Variants in AHRR observed in about 807,000 individuals in gnomAD.
The protein encoded by AHRR is aryl hydrocarbon receptor repressor.
Under a neutral mutation model 44.0 loss-of-function variants are expected in AHRR, and 28 were observed. The observed-to-expected ratio is 0.64, with a 90% confidence interval of 0.47 to 0.87. The LOEUF (loss-of-function observed/expected upper bound fraction) is 0.87, where lower values mean the gene tolerates loss of function less well. Ranked by LOEUF, AHRR falls within the 40% of genes least tolerant of loss-of-function variation. The pLI is 0.00. For missense variants in AHRR, 990 were observed against 953.9 expected (o/e 1.04, Z -0.50); for synonymous variants, 434 against 407.0 (o/e 1.07, Z -0.80).
At chr5:323,961 C>T (rs781205017) in intron 1 of AHRR, among the ~76,000 whole-genome samples, 2 of 151,300 alleles carry the variant, frequency 1.3e-5, no homozygotes, top group African/African-American at 2.5e-5. Flanking sequence ...TTGCCTAGCT[C>T]GCTCTTCCTT....
intron 3 of AHRR, among the ~76,000 whole-genome samples, chr5:365,429 ATTTAGAAATAT>A (rs1295604996): frequency 5.9e-5 from 9 of 152,214 alleles, no homozygotes; most frequent in African/African-American, 1.4e-4. Flanking sequence ...AGAAGATGTA[ATTTAGAAATAT>A]TTAAAATGTG....
chr5:361,365 A>T (rs1251396580), intron 3 of AHRR, among the ~76,000 whole-genome samples: 1 of 152,240 alleles, frequency 6.6e-6, no homozygotes, highest in African/African-American at 2.4e-5. Flanking sequence ...GTGGGATGGC[A>T]CCACGCCCGC....
At chr5:368,026 G>T in intron 3 of AHRR, 1 of 678,002 alleles carries the variant, frequency 1.5e-6, no homozygotes, top group Non-Finnish European at 2.7e-6. Context: ...TCACAGGCAG[G>T]CCAGCCCCAT....
At chr5:343,545 C>G (rs1426185499) in intron 1 of AHRR, 2 of 313,498 alleles carry the variant, frequency 6.4e-6, no homozygotes, top group Non-Finnish European at 1.2e-5. Flanking sequence ...TGCGCCCCGC[C>G]CCGCCCGTTC....
rs369245136 is a variant in AHRR, at chr5:393,463, G to A, written c.351+16747G>A. On this transcript the variant is annotated intron_variant, in intron 4 of 10. Transcript: ENST00000684583. ...CCTCCACGAGTGGGAGAACACTGCTGTGTCTTCGTGCGTGGACGGTAGCCA... is the reference window on the plus strand; with the variant it reads ...CCTCCACGAGTGGGAGAACACTGCTATGTCTTCGTGCGTGGACGGTAGCCA... 4.6e-5 allele frequency among the ~76,000 whole-genome samples: 7 copies of A among 152,354 alleles called. No individual in the cohort carries two copies. In the East Asian group the frequency reaches 9.6e-4, roughly 21 times the overall value.
In AHRR at chr5:374,806, A is replaced by G. The variant is rs527380644; in HGVS notation, c.245-1804A>G. Among the ~76,000 whole-genome samples, 18 of 152,336 alleles carry G rather than the reference A, an allele frequency of 1.2e-4. No individual in the cohort carries two copies. The South Asian group carries it at 1.2e-3, about 11-fold the overall frequency. ...AGCTGGTACCTCAGATTCTGAATCAATGGCTCCCAGTATGGCCTTTCTGGT... is the reference window on the plus strand; with the variant it reads ...AGCTGGTACCTCAGATTCTGAATCAGTGGCTCCCAGTATGGCCTTTCTGGT... On this transcript the variant is annotated intron_variant, in intron 3 of 10. Coordinates refer to ENST00000684583, the MANE Select transcript of AHRR (RefSeq NM_001377236.1).
At chr5:376,557 A>AACGCGGGGAAACTCAGGAACGAT in intron 3 of AHRR, 53 bp from the exon 4 acceptor site, 1 of 1,423,184 alleles carries the variant, frequency 7.0e-7, no homozygotes, top group Non-Finnish European at 9.5e-7. Flanking sequence ...AATGAAGAAG[A>AACGCGGGGAAACTCAGGAACGAT]GTGGCCAGGC....
chr5:344,459 T>G (rs1391440640), intron 2 of AHRR, among the ~76,000 whole-genome samples: 6 of 19,608 alleles, frequency 3.1e-4, no homozygotes, highest in African/African-American at 1.3e-3. Flanking sequence ...GTGGGGTGTG[T>G]GTGTGTGAGG....
In AHRR at chr5:321,762, T is replaced by A. The variant is rs1741499850; in HGVS notation, c.-68T>A. On this transcript the variant is annotated 5_prime_UTR_variant, in exon 1 of 11. Transcript: ENST00000684583. This position sits in a 1 kb window ranked among gnomAD's most constrained non-coding sequence, Gnocchi z 8.3. Reference sequence around the variant, plus strand: ...CGCCGGCACCCGCCGCCACAGCTCCTGGCCAGGGCGCGCTGCCCCGCGGGT... The same window carrying A: ...CGCCGGCACCCGCCGCCACAGCTCCAGGCCAGGGCGCGCTGCCCCGCGGGT... The A allele has an allele frequency of 6.6e-6, 1 of 151,458 alleles. No individual in the cohort carries two copies. The highest frequency in any genetic ancestry group is 3.2e-3 in the Middle Eastern group (1 of 314). 9.4% of individuals were successfully genotyped at this position (151,458 alleles called of 1,614,324 possible).
In AHRR at chr5:353,829, G is replaced by A. The variant is rs773695025; in HGVS notation, c.162G>A (p.Pro54=). ...LDHLASLLPF[P]PDIISKLDKL... ...ACCTGGCCAGCCTGCTGCCGTTCCC[G>A]CCTGACATCATCTCCAAGCTGGACA... The change falls in exon 3 of 11, where the codon CCG becomes CCA. Residue 54 remains proline (P), a synonymous_variant. Transcript: ENST00000684583. 8.7e-6 allele frequency: 14 copies of A among 1,613,864 alleles called. No individual in the cohort carries two copies. Among genetic ancestry groups the A allele is most frequent in the South Asian group, 3.3e-5 (3 of 91,082 alleles).
rs1056376432 is a variant in AHRR, at chr5:434,362, G to T, written c.1622G>T (p.Cys541Phe). 9.9e-6 allele frequency: 16 copies of T among 1,613,548 alleles called. No homozygotes were observed. The highest frequency in any genetic ancestry group is 1.4e-5 in the Non-Finnish European group (16 of 1,179,966). The change falls in exon 11 of 11, where the codon TGT (cysteine) becomes TTT (phenylalanine). Residue 541 changes from cysteine (C) to phenylalanine (F), a missense_variant. Physicochemically the swap from Cys to Phe is radical, Grantham distance 205. Coordinates refer to ENST00000684583, the MANE Select transcript of AHRR (RefSeq NM_001377236.1). ...VSIKMEKDSG[C>F]EGAADGCVPS... ...ATCAAGATGGAGAAGGACTCTGGGT[G>T]TGAGGGTGCTGCAGACGGCTGTGTG...
At chr5:420,094 G>C (rs1009217127) in intron 5 of AHRR, among the ~76,000 whole-genome samples, 4 of 152,194 alleles carry the variant, frequency 2.6e-5, no homozygotes, top group Non-Finnish European at 4.4e-5. Flanking sequence ...TCCCTCTGAC[G>C]GGCCCTGAGG....
intron 3 of AHRR, among the ~76,000 whole-genome samples, chr5:374,640 CT>C (rs1333454826): frequency 6.6e-6 from 1 of 152,212 alleles, no homozygotes; most frequent in Non-Finnish European, 1.5e-5. Flanking sequence ...GAAATGAGGG[CT>C]CAGAGACCAG....
rs1411898648 is a variant in AHRR, at chr5:342,491, G to A, written c.-10-1402G>A. 2.0e-5 allele frequency among the ~76,000 whole-genome samples: 3 copies of A among 152,088 alleles called. No individual in the cohort carries two copies. The highest frequency in any genetic ancestry group is 4.4e-5 in the Non-Finnish European group (3 of 68,012). Reference sequence around the variant, plus strand: ...CATACAGCTGCTTCATTTGATTAACGTTTGCATGTTGTATCTTTTTCTATC... The same window carrying A: ...CATACAGCTGCTTCATTTGATTAACATTTGCATGTTGTATCTTTTTCTATC... On this transcript the variant is annotated intron_variant, in intron 1 of 10. Coordinates refer to ENST00000684583, the MANE Select transcript of AHRR (RefSeq NM_001377236.1). The surrounding 1 kb of genome is among the most constrained non-coding windows in gnomAD (Gnocchi z 4.3).
At chr5:420,607 G>A (rs976145380) in intron 5 of AHRR, among the ~76,000 whole-genome samples, 6 of 152,222 alleles carry the variant, frequency 3.9e-5, no homozygotes, top group African/African-American at 1.4e-4. Flanking sequence ...GACCCATGAG[G>A]AAACATTTCT....
rs373595214 is a variant in AHRR, at chr5:343,923, C to T, written c.21C>T (p.Cys7=). 3.1e-6 allele frequency: 5 copies of T among 1,600,842 alleles called. No individual in the cohort carries two copies. Among genetic ancestry groups the T allele is most frequent in the Admixed American group, 3.4e-5 (2 of 59,468 alleles). The change falls in exon 2 of 11, where the codon TGC becomes TGT. Residue 7 remains cysteine, a synonymous_variant. Coordinates refer to ENST00000684583, the MANE Select transcript of AHRR (RefSeq NM_001377236.1). The part of the protein sequence containing the change: MIPPGE[C]TYAGRKRRRP... ...GGACGATGATCCCGCCGGGGGAGTG[C>T]ACGTACGCGGGCCGGAAGCGGAGGA...
intron 3 of AHRR, among the ~76,000 whole-genome samples, chr5:363,656 G>C (rs1194784131): frequency 6.6e-6 from 1 of 152,190 alleles, no homozygotes; most frequent in African/African-American, 2.4e-5. Context: ...TTGAGTGTAA[G>C]AGGGATACCA....
intron 4 of AHRR, among the ~76,000 whole-genome samples, chr5:377,710 C>T (rs1010748537): frequency 8.5e-5 from 13 of 152,346 alleles, no homozygotes; most frequent in Admixed American, 2.0e-4. Flanking sequence ...ACTCTGTCCC[C>T]GCTAGTGAAT....
intron 5 of AHRR, 72 bp downstream of exon 5, chr5:413,505 C>T (rs1000017652): frequency 1.7e-4 from 201 of 1,216,934 alleles, no homozygotes; most frequent in Non-Finnish European, 2.1e-4. Flanking sequence ...TGTTTGTTGT[C>T]GTCAAGGTTT....
Sources: allele counts gnomAD v4.1 joint callset (sites outside exome capture counted in the v4.1 genomes callset), GRCh38; gene constraint gnomAD v4.1.1; non-coding constraint Gnocchi (gnomAD v3.1); transcripts MANE v1.5; gene names NCBI Gene and HGNC (gene_info 2026-07-23, HGNC 2026-07-21).